Variants in LYPLAL1 observed in about 807,000 individuals in gnomAD.
The protein encoded by LYPLAL1 is lysophospholipase like 1.
Under a neutral mutation model 19.7 loss-of-function variants are expected in LYPLAL1, and 23 were observed. That is an observed-to-expected ratio of 1.17 (90% CI 0.84 to 1.65). The LOEUF (loss-of-function observed/expected upper bound fraction) is 1.65, where lower values mean the gene tolerates loss of function less well. LYPLAL1 is among the 40% of genes most tolerant of loss of function. LYPLAL1 has a pLI of 0.00. For synonymous variants in LYPLAL1, 119 were observed against 96.3 expected (o/e 1.24, Z -1.38); for missense variants, 355 against 279.4 (o/e 1.27, Z -1.93).
At chr1:219,408,152 C>T in the LYPLAL1 span, among the ~76,000 whole-genome samples, 1 of 152,150 alleles carries the variant, frequency 6.6e-6, no homozygotes, top group Non-Finnish European at 1.5e-5. Context: ...TATCATCTCT[C>T]CCAATAACCA....
At chr1:219,231,808 C>A in the LYPLAL1 span, among the ~76,000 whole-genome samples, 2 of 152,106 alleles carry the variant, frequency 1.3e-5, no homozygotes, top group Admixed American at 6.5e-5. Flanking sequence ...ACATCAATAT[C>A]TATAGACAAC....
the LYPLAL1 span, among the ~76,000 whole-genome samples, chr1:219,337,846 T>A: frequency 6.6e-6 from 1 of 152,016 alleles, no homozygotes; most frequent in African/African-American, 2.4e-5. Context: ...CTAAAATACT[T>A]ATTAACTCAC....
chr1:219,244,271 A>C, the LYPLAL1 span, among the ~76,000 whole-genome samples: 1 of 152,356 alleles, frequency 6.6e-6, no homozygotes, highest in East Asian at 1.9e-4. Flanking sequence ...AAAGAAAGGC[A>C]CAGGGAAGTG....
At chr1:219,236,463 T>G in the LYPLAL1 span, among the ~76,000 whole-genome samples, 1 of 152,226 alleles carries the variant, frequency 6.6e-6, no homozygotes, top group East Asian at 1.9e-4. Flanking sequence ...TCTTGTTAAT[T>G]TCATATATTC....
At chr1:219,335,108 T>C in the LYPLAL1 span, among the ~76,000 whole-genome samples, 3 of 151,972 alleles carry the variant, frequency 2.0e-5, no homozygotes, top group South Asian at 4.1e-4. Context: ...TTCATCCAAC[T>C]ACATTTTTAC....
chr1:219,332,990 C>A, the LYPLAL1 span, among the ~76,000 whole-genome samples: 1 of 151,982 alleles, frequency 6.6e-6, no homozygotes, highest in Non-Finnish European at 1.5e-5. Flanking sequence ...CTGTTCCCCA[C>A]TTTTAAAGGC....
chr1:219,361,632 G>A, the LYPLAL1 span, among the ~76,000 whole-genome samples: 8 of 152,072 alleles, frequency 5.3e-5, no homozygotes, highest in African/African-American at 1.7e-4. Flanking sequence ...AGGTTGATCC[G>A]ATGTCCAAGA....
chr1:219,320,902 C>T, the LYPLAL1 span, among the ~76,000 whole-genome samples: 453 of 152,252 alleles, frequency 3.0e-3, 4 homozygotes, highest in African/African-American at 0.01. Context: ...AATAAACATA[C>T]GTGTGCATGT....
Position 219,205,146 on chromosome 1 carries a change from A to G in LYPLAL1, c.362-5386A>G, listed in dbSNP as rs527462717. Reference sequence around the variant, plus strand: ...GCCGAGGCGGGTGGATCATGAGGTCAGGAGATCGAGACCATCCTGGCTAAC... The same window carrying G: ...GCCGAGGCGGGTGGATCATGAGGTCGGGAGATCGAGACCATCCTGGCTAAC... On this transcript the variant is annotated intron_variant, in intron 3 of 4. Transcript: ENST00000366928. 4.3e-3 allele frequency among the ~76,000 whole-genome samples: 657 copies of G among 152,064 alleles called. 1 individual carries two copies. The highest frequency in any genetic ancestry group is 6.1e-3 in the Non-Finnish European group (415 of 67,970).
At chr1:219,181,940 CTTG>C (rs1017922249) in intron 2 of LYPLAL1, among the ~76,000 whole-genome samples, 6 of 152,040 alleles carry the variant, frequency 3.9e-5, no homozygotes, top group African/African-American at 1.4e-4. Context: ...GCAGTATTTG[CTTG>C]TTGTTGTTAT....
the LYPLAL1 span, among the ~76,000 whole-genome samples, chr1:219,301,311 G>T: frequency 6.6e-6 from 1 of 152,138 alleles, no homozygotes; most frequent in Non-Finnish European, 1.5e-5. Context: ...GGTACAAAAA[G>T]ACGTAATTAT....
At chr1:219,301,129 C>T in the LYPLAL1 span, among the ~76,000 whole-genome samples, 10 of 151,860 alleles carry the variant, frequency 6.6e-5, no homozygotes, top group East Asian at 5.8e-4. Context: ...TTTTCAATAA[C>T]GATTCAACAT....
At chr1:219,250,312 ATCT>A in the LYPLAL1 span, among the ~76,000 whole-genome samples, 1 of 151,994 alleles carries the variant, frequency 6.6e-6, no homozygotes, top group South Asian at 2.1e-4. Context: ...CCTTGTTGTA[ATCT>A]TGTGACCACA....
the LYPLAL1 span, among the ~76,000 whole-genome samples, chr1:219,346,959 T>G: frequency 6.6e-6 from 1 of 152,228 alleles, no homozygotes; most frequent in African/African-American, 2.4e-5. Context: ...GTTTCTTTTA[T>G]TTGAGACTTG....
chr1:219,398,564 AC>A, the LYPLAL1 span, among the ~76,000 whole-genome samples: 1 of 152,108 alleles, frequency 6.6e-6, no homozygotes, highest in African/African-American at 2.4e-5. Context: ...CATTTCAGCC[AC>A]CTCAGCACAG....
At chr1:219,191,015 C>T (rs1390180168) in intron 2 of LYPLAL1, among the ~76,000 whole-genome samples, 1 of 151,426 alleles carries the variant, frequency 6.6e-6, no homozygotes, top group Non-Finnish European at 1.5e-5. Flanking sequence ...GTGTGTAGTT[C>T]AATATAGTTT....
At chr1:219,298,659 G>A in the LYPLAL1 span, among the ~76,000 whole-genome samples, 1 of 152,160 alleles carries the variant, frequency 6.6e-6, no homozygotes, top group African/African-American at 2.4e-5. Flanking sequence ...ACATCTCCTG[G>A]CTTTGAATAT....
chr1:219,423,687 A>C, the LYPLAL1 span, among the ~76,000 whole-genome samples: 1 of 152,146 alleles, frequency 6.6e-6, no homozygotes, highest in Admixed American at 6.5e-5. Flanking sequence ...AATATTCTTT[A>C]ATTAGAACCT....
the LYPLAL1 span, among the ~76,000 whole-genome samples, chr1:219,257,776 C>G: frequency 2.0e-5 from 3 of 151,998 alleles, no homozygotes; most frequent in African/African-American, 4.8e-5. Context: ...CAACAGAAAA[C>G]AGGGTTCAAG....
Sources: gnomAD v4.1 joint callset for allele counts (sites outside exome capture counted in the v4.1 genomes callset) on GRCh38, gnomAD v4.1.1 for gene constraint, MANE v1.5 for transcripts, NCBI Gene and HGNC (gene_info 2026-07-23, HGNC 2026-07-21) for gene names.